Variants in GABRB1 observed in about 807,000 individuals in gnomAD.
The protein encoded by GABRB1 is gamma-aminobutyric acid receptor subunit beta-1.
Under a neutral mutation model 51.6 loss-of-function variants are expected in GABRB1, and 17 were observed. That is an observed-to-expected ratio of 0.33 (90% confidence interval 0.23 to 0.49). The LOEUF (loss-of-function observed/expected upper bound fraction) is 0.49. Among genes scored for constraint, GABRB1 ranks in the 20% least tolerant of loss-of-function variants. The pLI is 0.99. For synonymous variants in GABRB1, 247 were observed against 218.9 expected, an observed-to-expected ratio of 1.13 and a Z score of -1.14; for missense variants, 410 against 600.6, an observed-to-expected ratio of 0.68 and a Z score of 3.32.
At chr4:47,403,538 G>A in intron 6 of GABRB1, 21 bp from the exon 7 acceptor site, 1 of 1,613,702 alleles carries the variant, frequency 6.2e-7, no homozygotes, top group Non-Finnish European at 8.5e-7. Context: ...CTGATTACTT[G>A]TCTTTTGTTT....
At position 47,316,157 on chromosome 4, in the gene GABRB1, CATAT is replaced by C. The variant is rs1311371004; in HGVS notation, c.462-3966_462-3963del. On this transcript the variant is annotated intron_variant, in intron 4 of 8. Transcript: ENST00000295454. ...GCTTTTTCTATTGAGGTAAAATATA[CATAT>C]ATAATTTACCATCTTTACTACATTT... Among the ~76,000 whole-genome samples the C allele has an allele frequency of 2.0e-5, 3 of 151,906 alleles. No individual in the cohort carries two copies. In the East Asian group the frequency reaches 5.8e-4, roughly 29 times the overall value.
At chr4:47,305,194 T>C (rs951654281) in intron 4 of GABRB1, among the ~76,000 whole-genome samples, 1 of 152,090 alleles carries the variant, frequency 6.6e-6, no homozygotes, top group Non-Finnish European at 1.5e-5. Context: ...TGTCTAAAAT[T>C]TAACAATTGA....
intron 3 of GABRB1, among the ~76,000 whole-genome samples, chr4:47,127,581 G>A (rs1161924899): frequency 6.6e-6 from 1 of 151,516 alleles, no homozygotes; most frequent in Admixed American, 6.6e-5. Flanking sequence ...TTGGCATGTA[G>A]TTTCTCTCTC....
At chr4:47,350,061 A>G (rs1311201692) in intron 5 of GABRB1, among the ~76,000 whole-genome samples, 2 of 151,822 alleles carry the variant, frequency 1.3e-5, no homozygotes, top group East Asian at 3.9e-4. Context: ...CCTTTAGCAA[A>G]GTGACTGCAA....
At chr4:47,005,311 G>C (rs112965393) in intron 1 of GABRB1, among the ~76,000 whole-genome samples, 1 of 152,104 alleles carries the variant, frequency 6.6e-6, no homozygotes, top group Non-Finnish European at 1.5e-5. Context: ...CCAGCTACTC[G>C]GGAGGCTGAG....
intron 1 of GABRB1, among the ~76,000 whole-genome samples, chr4:47,008,413 T>C (rs1369409788): frequency 6.6e-6 from 1 of 151,934 alleles, no homozygotes; most frequent in African/African-American, 2.4e-5. Context: ...GAATGCCAAC[T>C]GTAAAACTTC....
intron 4 of GABRB1, among the ~76,000 whole-genome samples, chr4:47,315,255 T>C (rs542266169): frequency 2.6e-5 from 4 of 152,012 alleles, no homozygotes; most frequent in Non-Finnish European, 4.4e-5. Context: ...AAAGAAGACA[T>C]ACACGCATCC....
At chr4:47,085,141 T>C (rs1039086184) in intron 3 of GABRB1, among the ~76,000 whole-genome samples, 1 of 152,196 alleles carries the variant, frequency 6.6e-6, no homozygotes, top group African/African-American at 2.4e-5. Flanking sequence ...CAAAATGAAG[T>C]TGATGGACTT....
At chr4:47,213,690 A>G in intron 4 of GABRB1, among the ~76,000 whole-genome samples, 1 of 151,950 alleles carries the variant, frequency 6.6e-6, no homozygotes, top group East Asian at 1.9e-4. Context: ...ATCAGCTGAC[A>G]TCCTGATTCT....
chr4:47,065,539 C>T (rs1426855560), intron 3 of GABRB1, among the ~76,000 whole-genome samples: 1 of 152,216 alleles, frequency 6.6e-6, no homozygotes, highest in African/African-American at 2.4e-5. Context: ...GAAAAATAAA[C>T]CCTTTAGATA....
chr4:47,240,400 T>C (rs1721477699), intron 4 of GABRB1, among the ~76,000 whole-genome samples: 1 of 152,208 alleles, frequency 6.6e-6, no homozygotes, highest in Non-Finnish European at 1.5e-5. Flanking sequence ...GCTGTATCTA[T>C]ACACTGTGCA....
intron 3 of GABRB1, among the ~76,000 whole-genome samples, chr4:47,070,977 C>T (rs543351161): frequency 2.4e-4 from 37 of 152,286 alleles, no homozygotes; most frequent in African/African-American, 8.9e-4. Flanking sequence ...CATATCCAAA[C>T]AAAATCCTTA....
At chr4:47,226,091 G>A (rs1275679702) in intron 4 of GABRB1, among the ~76,000 whole-genome samples, 1 of 151,968 alleles carries the variant, frequency 6.6e-6, no homozygotes, top group African/African-American at 2.4e-5. Context: ...CATAGTTCTA[G>A]GTATTGTGAA....
intron 3 of GABRB1, among the ~76,000 whole-genome samples, chr4:47,094,148 G>A (rs1374544722): frequency 6.6e-6 from 1 of 151,430 alleles, no homozygotes; most frequent in Admixed American, 6.6e-5. Flanking sequence ...GGAAAAAACG[G>A]TAGGGAACAA....
intron 5 of GABRB1, among the ~76,000 whole-genome samples, chr4:47,387,385 T>A (rs1198012198): frequency 6.6e-6 from 1 of 152,140 alleles, no homozygotes; most frequent in Non-Finnish European, 1.5e-5. Flanking sequence ...GGCAGGAGAA[T>A]CACTTGAACC....
chr4:47,119,899 CA>C (rs921872222), intron 3 of GABRB1, among the ~76,000 whole-genome samples: 39 of 143,550 alleles, frequency 2.7e-4, no homozygotes, highest in African/African-American at 3.3e-4. Flanking sequence ...AAGGCTGTTT[CA>C]AAAAAAAAAG....
chr4:47,057,087 A>G (rs900498760), intron 3 of GABRB1, among the ~76,000 whole-genome samples: 6 of 152,178 alleles, frequency 3.9e-5, no homozygotes, highest in Non-Finnish European at 8.8e-5. Flanking sequence ...CCTGGGCGAC[A>G]GAGCAAGACT....
At chr4:47,214,696 C>T (rs1476093254) in intron 4 of GABRB1, among the ~76,000 whole-genome samples, 1 of 151,984 alleles carries the variant, frequency 6.6e-6, no homozygotes, top group Non-Finnish European at 1.5e-5. Flanking sequence ...AATGCTTCTC[C>T]CCAAATTGAT....
At chr4:47,225,211 A>G (rs529001877) in intron 4 of GABRB1, among the ~76,000 whole-genome samples, 1 of 152,182 alleles carries the variant, frequency 6.6e-6, no homozygotes, top group East Asian at 1.9e-4. Flanking sequence ...TTGAGGTATT[A>G]GTGTTGTCCT....
Sources: gnomAD v4.1 joint callset for allele counts (sites outside exome capture counted in the v4.1 genomes callset) on GRCh38, gnomAD v4.1.1 for gene constraint, MANE v1.5 for transcripts, NCBI Gene and HGNC (gene_info 2026-07-23, HGNC 2026-07-21) for gene names.